The following RPTOR variants were observed in gnomAD, a reference collection of about 807,000 sequenced individuals.
RPTOR encodes regulatory associated protein of MTOR complex 1.
In RPTOR, 21 loss-of-function variants were observed where a neutral mutation model predicts 169.9. That is an observed-to-expected ratio of 0.12 (90% CI 0.09 to 0.18). The LOEUF is 0.18. Ranked by LOEUF, RPTOR falls within the 10% of genes least tolerant of loss-of-function variation. The probability of loss-of-function intolerance (pLI) is 1.00; values close to 1 mark genes in which losing one functional copy is unlikely to be tolerated. For synonymous variants in RPTOR, 732 were observed against 753.2 expected, an observed-to-expected ratio of 0.97 and a Z score of 0.46; for missense variants, 1,133 against 1,855.9, an observed-to-expected ratio of 0.61 and a Z score of 7.16.
At chr17:80,557,529 TAACTC>T (rs2084425109) in intron 1 of RPTOR, among the ~76,000 whole-genome samples, 1 of 98,100 alleles carries the variant, frequency 1.0e-5, no homozygotes, top group Admixed American at 9.3e-5. Context: ...AATAAATCAA[TAACTC>T]AATAAATCAA....
At chr17:80,862,789 G>A (rs995243720) in intron 13 of RPTOR, among the ~76,000 whole-genome samples, 3 of 152,214 alleles carry the variant, frequency 2.0e-5, no homozygotes, top group Admixed American at 6.5e-5. Context: ...TTGCCATTGT[G>A]CAGATCGGGG....
chr17:80,687,301 C>T (rs1442923053), intron 3 of RPTOR, among the ~76,000 whole-genome samples: 1 of 152,220 alleles, frequency 6.6e-6, no homozygotes, highest in Non-Finnish European at 1.5e-5. Context: ...CACACCATCC[C>T]TCACATGCAC....
At chr17:80,890,466 C>T (rs916756817) in intron 17 of RPTOR, among the ~76,000 whole-genome samples, 2 of 151,440 alleles carry the variant, frequency 1.3e-5, no homozygotes, top group African/African-American at 2.4e-5. Flanking sequence ...TGGAGACGAG[C>T]GCCAGAACCG....
At position 80,925,421 on chromosome 17, in the gene RPTOR, A is replaced by C. The variant is rs1405688859; in HGVS notation, c.2860A>C (p.Thr954Pro). Residue 954 changes from threonine (T) to proline (P), a missense_variant, in exon 24 of 34, where the codon ACG becomes CCG. Around this residue, in one of 9 missense-constraint regions of RPTOR, gnomAD observed 410 missense variants for 623.7 expected, o/e 0.66. Coordinates refer to ENST00000306801, the MANE Select transcript of RPTOR (RefSeq NM_020761.3). Reference sequence around the variant, plus strand: ...TGGACACAAAAGTTTCATCTCCGCCACGGTGCAGACGGGGTTCTGCGACTG... The same window carrying C: ...TGGACACAAAAGTTTCATCTCCGCCCCGGTGCAGACGGGGTTCTGCGACTG... The part of the protein sequence containing the change: ...AAGHKSFISA[T>P]VQTGFCDWSA... 6.2e-7 allele frequency: 1 copy of C among 1,613,672 alleles called. No homozygotes were observed. The highest frequency in any genetic ancestry group is 8.5e-7 in the Non-Finnish European group (1 of 1,180,022).
intron 21 of RPTOR, among the ~76,000 whole-genome samples, chr17:80,910,205 C>T (rs545164149): frequency 2.6e-5 from 4 of 152,282 alleles, no homozygotes; most frequent in Admixed American, 6.5e-5. Context: ...CTGGGCTCCC[C>T]GTCTCTGCAC....
At chr17:80,694,057 G>A (rs895860390) in intron 3 of RPTOR, among the ~76,000 whole-genome samples, 5 of 152,256 alleles carry the variant, frequency 3.3e-5, no homozygotes, top group Non-Finnish European at 1.5e-5. Flanking sequence ...AGAAAGTAAA[G>A]AGCGCTGTCA....
intron 17 of RPTOR, 32 bp downstream of exon 17, chr17:80,885,180 G>A (rs1320083722): frequency 2.6e-6 from 4 of 1,546,058 alleles, no homozygotes; most frequent in Non-Finnish European, 3.5e-6. Flanking sequence ...CAGCAGCAGG[G>A]CACCCAGGCT....
intron 3 of RPTOR, among the ~76,000 whole-genome samples, chr17:80,648,850 C>T (rs371396391): frequency 1.2e-4 from 18 of 152,228 alleles, no homozygotes; most frequent in East Asian, 3.9e-4. Flanking sequence ...ATCATAGGGG[C>T]GGGTCTTTCC....
At chr17:80,962,291 C>T (rs889866129) in intron 31 of RPTOR, among the ~76,000 whole-genome samples, 170 bp from the exon 32 acceptor site, 15 of 152,186 alleles carry the variant, frequency 9.9e-5, no homozygotes, top group African/African-American at 2.9e-4. Context: ...ATGTCTGGGC[C>T]CCACCTGGGC....
intron 1 of RPTOR, among the ~76,000 whole-genome samples, chr17:80,551,979 C>T (rs2084351600): frequency 6.6e-6 from 1 of 152,194 alleles, no homozygotes; most frequent in Non-Finnish European, 1.5e-5. Context: ...GCACATCTTG[C>T]ACCGCCCTTA....
At position 80,735,379 on chromosome 17, in the gene RPTOR, C is replaced by T. The variant is rs78190750; in HGVS notation, c.654+4673C>T. ...CCATAAGAGGAATATTTATAGTCAT[C>T]GTACACAGTATATGTATTGACTGAG... On this transcript the variant is annotated intron_variant, in intron 5 of 33. Transcript: ENST00000306801. Among the ~76,000 whole-genome samples, 468 of 152,132 alleles carry T rather than the reference C, an allele frequency of 3.1e-3. 2 individuals carry two copies. The highest frequency in any genetic ancestry group is 0.011 in the African/African-American group (451 of 41,498).
intron 1 of RPTOR, 91 bp downstream of exon 1, chr17:80,545,882 A>G (rs2084268358): frequency 8.9e-7 from 1 of 1,126,494 alleles, no homozygotes; most frequent in East Asian, 2.6e-5. Flanking sequence ...GAAAGCGCCG[A>G]CATTTCCCCC....
intron 4 of RPTOR, among the ~76,000 whole-genome samples, chr17:80,729,804 G>A (rs1397042217): frequency 7.9e-5 from 12 of 152,228 alleles, no homozygotes; most frequent in Non-Finnish European, 1.3e-4. Context: ...GACAAATGGA[G>A]ACACGGAGTG....
chr17:80,754,699 G>T lies in RPTOR; in HGVS notation c.830+514G>T, dbSNP rs541470427. 2.0e-5 allele frequency among the ~76,000 whole-genome samples: 3 copies of T among 152,136 alleles called. No individual in the cohort carries two copies. The highest frequency in any genetic ancestry group is 4.8e-5 in the African/African-American group (2 of 41,410). On this transcript the variant is annotated intron_variant, in intron 6 of 33. Coordinates refer to ENST00000306801, the MANE Select transcript of RPTOR (RefSeq NM_020761.3). This position sits in a 1 kb window ranked among gnomAD's most constrained non-coding sequence, Gnocchi z 4.2. Reference sequence around the variant, plus strand: ...GTGATATTCCAAGATGGTAGAAGCCGCATTTCAGCCCCAACATCCCCAGCA... The same window carrying T: ...GTGATATTCCAAGATGGTAGAAGCCTCATTTCAGCCCCAACATCCCCAGCA...
At chr17:80,880,263 G>A in intron 13 of RPTOR, 152 bp from the exon 14 acceptor site, 2 of 675,080 alleles carry the variant, frequency 3.0e-6, no homozygotes, top group South Asian at 1.7e-5. Flanking sequence ...GGCACCGGCT[G>A]CAGCTGTTTT....
chr17:80,758,388 G>T (rs1003312572), intron 6 of RPTOR, among the ~76,000 whole-genome samples: 12 of 152,150 alleles, frequency 7.9e-5, no homozygotes, highest in Non-Finnish European at 1.8e-4. Context: ...CCATTGTGGG[G>T]TGCTTTGAAT....
At position 80,837,483 on chromosome 17, in the gene RPTOR, G is replaced by C. The variant is rs374601064; in HGVS notation, c.1137-439G>C. On this transcript the variant is annotated intron_variant, in intron 9 of 33. Transcript: ENST00000306801. ...GATGAGGCACTTTGGGCCTGGCCCT[G>C]GTGTCTCTCCCGCGTCCCTCCAGGA... is the stretch of plus-strand genomic sequence containing the variant. Among the ~76,000 whole-genome samples the C allele has an allele frequency of 1.0e-3, 156 of 152,330 alleles. 3 individuals carry two copies. In the South Asian group the frequency reaches 0.027, roughly 26 times the overall value.
chr17:80,731,023 G>A (rs374336832), intron 5 of RPTOR, among the ~76,000 whole-genome samples: 5 of 151,986 alleles, frequency 3.3e-5, no homozygotes, highest in Admixed American at 6.6e-5. Context: ...ACAGGTGCAC[G>A]CCACGCCACC....
chr17:80,921,257 G>A (rs2068741366), intron 21 of RPTOR, among the ~76,000 whole-genome samples: 1 of 152,242 alleles, frequency 6.6e-6, no homozygotes. Flanking sequence ...AGCCTGGGAT[G>A]GGCCGGCGCT....
Sources: gnomAD v4.1 joint callset for allele counts (sites outside exome capture counted in the v4.1 genomes callset) on GRCh38, gnomAD v4.1.1 for gene constraint, gnomAD v4.1.1 regional missense constraint, Gnocchi (gnomAD v3.1) non-coding constraint, MANE v1.5 for transcripts, NCBI Gene and HGNC (gene_info 2026-07-23, HGNC 2026-07-21) for gene names.